SDK1: variants seen among roughly 807,000 people sequenced by gnomAD.
SDK1 encodes the protein protein sidekick-1.
SDK1 carries 157 observed loss-of-function variants against 245.5 expected under a neutral mutation model. That is an observed-to-expected ratio of 0.64 (90% CI 0.56 to 0.73). The LOEUF (loss-of-function observed/expected upper bound fraction) is 0.73. SDK1 is among the 30% of genes least tolerant of loss of function. The pLI is 0.00. For missense variants in SDK1, 3,583 were observed against 3,002.3 expected (o/e 1.19, Z -4.52); for synonymous variants, 1,647 against 1,278.5 (o/e 1.29, Z -6.15).
chr7:3,383,308 G>T (rs1781535126), intron 1 of SDK1, among the ~76,000 whole-genome samples: 1 of 152,102 alleles, frequency 6.6e-6, no homozygotes, highest in South Asian at 2.1e-4. Context: ...CTACTAGGGA[G>T]ACTGAGATGG....
intron 35 of SDK1, among the ~76,000 whole-genome samples, chr7:4,188,703 A>G (rs55667391): frequency 0.031 from 4,787 of 152,126 alleles, 228 homozygotes; most frequent in African/African-American, 0.1. Flanking sequence ...AAGAAAGAAA[A>G]AAAAAACTCT....
At position 3,350,878 on chromosome 7, in the gene SDK1, G is replaced by A. The variant is rs181045857; in HGVS notation, c.298+48994G>A. Among the ~76,000 whole-genome samples, 14 of 152,254 alleles carry A rather than the reference G, an allele frequency of 9.2e-5. No homozygotes were observed. The East Asian group carries it at 2.1e-3, about 23-fold the overall frequency. The stretch of plus-strand genomic sequence containing the variant: ...CCCCCATTAAAAGTAGAATGACACC[G>A]TTTTGCTTCTGAAGAATTTGGCTTT... On this transcript the variant is annotated intron_variant, in intron 1 of 44. Transcript: ENST00000404826.
intron 44 of SDK1, among the ~76,000 whole-genome samples, chr7:4,250,817 A>T (rs1156679106): frequency 6.6e-6 from 1 of 152,184 alleles, no homozygotes; most frequent in African/African-American, 2.4e-5. Context: ...ATATCATATA[A>T]TTTGCCCATT....
chr7:3,495,605 C>G (rs1343701588), intron 1 of SDK1, among the ~76,000 whole-genome samples: 1 of 152,168 alleles, frequency 6.6e-6, no homozygotes, highest in African/African-American at 2.4e-5. Flanking sequence ...CTCTTTGCAA[C>G]ATTGATGAAA....
intron 4 of SDK1, among the ~76,000 whole-genome samples, chr7:3,673,759 T>C (rs1354222874): frequency 2.6e-5 from 4 of 152,184 alleles, no homozygotes; most frequent in African/African-American, 7.2e-5. Context: ...CATAGTCAGT[T>C]CATTATGTGG....
chr7:3,376,054 G>C (rs1781347847), intron 1 of SDK1, among the ~76,000 whole-genome samples: 1 of 152,128 alleles, frequency 6.6e-6, no homozygotes, highest in South Asian at 2.1e-4. Flanking sequence ...CAGATGTGCT[G>C]GGCATGGTAG....
chr7:3,749,703 A>G (rs1355035494), intron 4 of SDK1, among the ~76,000 whole-genome samples: 3 of 152,208 alleles, frequency 2.0e-5, no homozygotes, highest in Non-Finnish European at 4.4e-5. Context: ...CAGCTAGCTC[A>G]TAGTTAAACC....
chr7:4,076,254 A>G (rs963476648), intron 20 of SDK1, among the ~76,000 whole-genome samples: 3 of 152,216 alleles, frequency 2.0e-5, no homozygotes, highest in Non-Finnish European at 2.9e-5. Flanking sequence ...TACAAAAAAT[A>G]TCGGCTTCCA....
At position 3,388,589 on chromosome 7, in the gene SDK1, TA is replaced by T. The variant is rs921616768; in HGVS notation, c.298+86707del. 1.2e-3 allele frequency among the ~76,000 whole-genome samples: 187 copies of T among 151,348 alleles called. 1 individual carries two copies. Among genetic ancestry groups the T allele is most frequent in the African/African-American group, 4.4e-3 (180 of 40,666 alleles). ...TTCTCAAATATTAACTTTGATGATA[TA>T]ATACTCACCACATAAGTAGTAGTTG... On this transcript the variant is annotated intron_variant, in intron 1 of 44. Coordinates refer to ENST00000404826, the MANE Select transcript of SDK1 (RefSeq NM_152744.4).
chr7:4,169,886 C>G (rs1489259313), intron 32 of SDK1, among the ~76,000 whole-genome samples: 2 of 152,130 alleles, frequency 1.3e-5, no homozygotes, highest in Non-Finnish European at 2.9e-5. Context: ...TCACACAGGA[C>G]AGATGCGCTG....
intron 5 of SDK1, among the ~76,000 whole-genome samples, chr7:3,833,406 A>C (rs1779957607): frequency 6.6e-6 from 1 of 152,208 alleles, no homozygotes; most frequent in Admixed American, 6.5e-5. Flanking sequence ...TAATTCAGAC[A>C]GGGTTGAATT....
At chr7:4,161,710 C>T (rs1781135539) in intron 31 of SDK1, 76 bp from the exon 32 acceptor site, 3 of 1,229,504 alleles carry the variant, frequency 2.4e-6, no homozygotes, top group Non-Finnish European at 3.6e-6. Flanking sequence ...CCCATACTCA[C>T]TGAGGGTGGC....
intron 23 of SDK1, among the ~76,000 whole-genome samples, chr7:4,111,252 C>G (rs904442976): frequency 6.6e-6 from 1 of 152,128 alleles, no homozygotes; most frequent in East Asian, 1.9e-4. Context: ...TCTTGAACCC[C>G]GAAACTGATC....
At chr7:3,493,199 C>T (rs1781916771) in intron 1 of SDK1, among the ~76,000 whole-genome samples, 1 of 152,146 alleles carries the variant, frequency 6.6e-6, no homozygotes, top group Non-Finnish European at 1.5e-5. Flanking sequence ...AATCCTCACA[C>T]CTCGGCCTCC....
chr7:3,552,201 C>G (rs1331678181), intron 1 of SDK1, among the ~76,000 whole-genome samples: 1 of 152,070 alleles, frequency 6.6e-6, no homozygotes, highest in Non-Finnish European at 1.5e-5. Context: ...CCAAGCCTGG[C>G]TAATTTTTTG....
Position 3,761,455 on chromosome 7 carries a change from G to A in SDK1, c.714-59995G>A, listed in dbSNP as rs182124390. On this transcript the variant is annotated intron_variant, in intron 4 of 44. Transcript: ENST00000404826. Reference sequence around the variant, plus strand: ...TGTAGTCCCAGTTACTCGGAAGGCTGAGGCAGGAGAATGGCCTGAACCCGG... The same window carrying A: ...TGTAGTCCCAGTTACTCGGAAGGCTAAGGCAGGAGAATGGCCTGAACCCGG... 3.4e-3 allele frequency among the ~76,000 whole-genome samples: 521 copies of A among 151,536 alleles called. 1 individual carries two copies. Among genetic ancestry groups the A allele is most frequent in the African/African-American group, 0.012 (480 of 41,276 alleles).
intron 1 of SDK1, among the ~76,000 whole-genome samples, chr7:3,612,030 AAGTG>A (rs765452044): frequency 2.5e-4 from 38 of 152,130 alleles, no homozygotes; most frequent in Non-Finnish European, 5.1e-4. Flanking sequence ...TCTCACTCCT[AAGTG>A]GGAGCTAAGC....
intron 4 of SDK1, among the ~76,000 whole-genome samples, chr7:3,683,452 A>G (rs1192000145): frequency 6.6e-6 from 1 of 152,190 alleles, no homozygotes; most frequent in East Asian, 1.9e-4. Flanking sequence ...TACTCATCAG[A>G]GGTTATTATA....
At chr7:3,506,772 T>G (rs1782405529) in intron 1 of SDK1, among the ~76,000 whole-genome samples, 6 of 152,182 alleles carry the variant, frequency 3.9e-5, no homozygotes, top group Admixed American at 3.3e-4. Flanking sequence ...TCAGGTGTTG[T>G]ATTTTTCAAC....
Sources: gnomAD v4.1 joint callset for allele counts (sites outside exome capture counted in the v4.1 genomes callset) on GRCh38, gnomAD v4.1.1 for gene constraint, MANE v1.5 for transcripts, NCBI Gene and HGNC (gene_info 2026-07-23, HGNC 2026-07-21) for gene names.